CDH23: variants seen among roughly 807,000 people sequenced by gnomAD.
CDH23 encodes the protein cadherin related 23.
Under a neutral mutation model 317.1 loss-of-function variants are expected in CDH23, and 189 were observed. That is an observed-to-expected ratio of 0.60 (90% CI 0.53 to 0.67). The LOEUF (loss-of-function observed/expected upper bound fraction) is 0.67, where lower values mean the gene tolerates loss of function less well. Ranked by LOEUF, CDH23 falls within the 30% of genes least tolerant of loss-of-function variation. The pLI is 0.00. For synonymous variants in CDH23, 1,839 were observed against 1,876.8 expected (o/e 0.98, Z 0.52); for missense variants, 4,401 against 4,592.4 (o/e 0.96, Z 1.20).
At chr10:71,485,617 C>T (rs750335684) in intron 3 of CDH23, among the ~76,000 whole-genome samples, 1 of 152,222 alleles carries the variant, frequency 6.6e-6, no homozygotes, top group Admixed American at 6.5e-5. Flanking sequence ...GTTTGACTGC[C>T]CCAGCCCAGC....
At chr10:71,587,638 C>A (rs1473229142) in intron 9 of CDH23, among the ~76,000 whole-genome samples, 1 of 152,194 alleles carries the variant, frequency 6.6e-6, no homozygotes, top group African/African-American at 2.4e-5. Flanking sequence ...TGCCTGCATC[C>A]ACCTTTCCAG....
At chr10:71,793,137 G>A in intron 47 of CDH23, 45 bp from the exon 48 acceptor site, 1 of 1,442,706 alleles carries the variant, frequency 6.9e-7, no homozygotes, top group Non-Finnish European at 9.5e-7. Flanking sequence ...GATCTTTCTG[G>A]AAGAGGCCAC....
At chr10:71,759,970 TACAC>T (rs1470815969) in intron 38 of CDH23, among the ~76,000 whole-genome samples, 2 of 79,152 alleles carry the variant, frequency 2.5e-5, no homozygotes, top group Non-Finnish European at 6.0e-5. Flanking sequence ...CACATATATA[TACAC>T]ACACACATAT....
intron 6 of CDH23, among the ~76,000 whole-genome samples, chr10:71,526,950 C>T (rs1376565050): frequency 1.3e-5 from 2 of 152,108 alleles, no homozygotes; most frequent in African/African-American, 2.4e-5. Flanking sequence ...GTTTATGTCT[C>T]GAGTGTCGGG....
At chr10:71,503,046 AG>A (rs745623876) in intron 3 of CDH23, among the ~76,000 whole-genome samples, 100 of 152,372 alleles carry the variant, frequency 6.6e-4, no homozygotes, top group Non-Finnish European at 1.0e-3. Flanking sequence ...CAGTCATCTC[AG>A]CGATCAGCAT....
intron 3 of CDH23, among the ~76,000 whole-genome samples, chr10:71,498,639 G>A (rs952190323): frequency 6.6e-6 from 1 of 152,250 alleles, no homozygotes; most frequent in Non-Finnish European, 1.5e-5. Context: ...ATGTCAACAG[G>A]AGGGTCACTG....
At chr10:71,518,361 C>G (rs545671117) in intron 6 of CDH23, among the ~76,000 whole-genome samples, 1 of 152,156 alleles carries the variant, frequency 6.6e-6, no homozygotes, top group African/African-American at 2.4e-5. Flanking sequence ...TTTGCCATGG[C>G]CTGCTTTTGA....
intron 9 of CDH23, among the ~76,000 whole-genome samples, chr10:71,608,784 A>T (rs1199349944): frequency 6.6e-6 from 1 of 152,220 alleles, no homozygotes; most frequent in Admixed American, 6.5e-5. Flanking sequence ...CAGAGGTGGC[A>T]GAGCCTCCAG....
chr10:71,736,578 C>CATTCCCAT (rs1193051258), intron 34 of CDH23, among the ~76,000 whole-genome samples: 9 of 152,178 alleles, frequency 5.9e-5, no homozygotes, highest in African/African-American at 1.7e-4. Context: ...ACACCCATCT[C>CATTCCCAT]ATTCCCATAG....
intron 6 of CDH23, among the ~76,000 whole-genome samples, chr10:71,527,078 C>G (rs963952132): frequency 6.6e-5 from 10 of 152,206 alleles, no homozygotes; most frequent in South Asian, 2.1e-4. Flanking sequence ...CTGAGGTCTC[C>G]CACCACCCCT....
intron 6 of CDH23, among the ~76,000 whole-genome samples, chr10:71,536,128 A>C (rs926601859): frequency 1.3e-5 from 2 of 152,240 alleles, no homozygotes; most frequent in African/African-American, 4.8e-5. Flanking sequence ...AAAGGGAACC[A>C]AACATAGAAG....
chr10:71,700,370 G>C (rs1198608732), intron 22 of CDH23, among the ~76,000 whole-genome samples: 1 of 152,172 alleles, frequency 6.6e-6, no homozygotes, highest in Non-Finnish European at 1.5e-5. Context: ...CTGGGTGATG[G>C]AGCAAGACTT....
Position 71,807,720 on chromosome 10 carries a change from ACAT to A in CDH23, c.8516_8518del (p.Ile2839del), listed in dbSNP as rs746630652. 2.5e-6 allele frequency: 4 copies of A among 1,610,402 alleles called. No individual in the cohort carries two copies. In the African/African-American group the frequency reaches 5.3e-5, roughly 22 times the overall value. On this transcript the variant is annotated inframe_deletion, in exon 59 of 70. Transcript: ENST00000224721. ...CAGGAGGTGCGCGTTGTGCTAGAGGACATCAACGACCAGCCACCACGCTTCACC... is the reference window on the plus strand; with the variant it reads ...CAGGAGGTGCGCGTTGTGCTAGAGGACAACGACCAGCCACCACGCTTCACC...
Position 71,476,407 on chromosome 10 carries a change from G to C in CDH23, c.145+30012G>C, listed in dbSNP as rs1050581676. On this transcript the variant is annotated intron_variant, in intron 3 of 69. Transcript: ENST00000224721. ...GAGAAGGAACCCAGGGCCCGGAGAAGGGAAGTGACATGCTCAAGGTCACAT... is the reference window on the plus strand; with the variant it reads ...GAGAAGGAACCCAGGGCCCGGAGAACGGAAGTGACATGCTCAAGGTCACAT... Among the ~76,000 whole-genome samples, 59 of 152,192 alleles carry C rather than the reference G, an allele frequency of 3.9e-4. 1 individual carries two copies. Among genetic ancestry groups the C allele is most frequent in the Non-Finnish European group, 2.9e-5 (2 of 68,042 alleles).
Position 71,803,308 on chromosome 10 carries a change from G to T in CDH23, c.7760G>T (p.Gly2587Val). 1 of 1,591,368 alleles carries T rather than the reference G, an allele frequency of 6.3e-7. No homozygotes were observed. The highest frequency in any genetic ancestry group is 8.6e-7 in the Non-Finnish European group (1 of 1,168,820). Residue 2587 changes from glycine to valine, a missense_variant, in exon 55 of 70, where the codon GGA becomes GTA. By Grantham distance (109) the Gly-to-Val change is moderately radical. Around this residue, in one of 3 missense-constraint regions of CDH23, gnomAD observed 1,144 missense variants for 1,138.2 expected, o/e 1.01. Transcript: ENST00000224721. The part of the protein sequence containing the change: ...FSLTVVATDG[G>V]EPPLWGTTML... ...CTGACCGTGGTGGCCACAGATGGTGGAGAGCCCCCACTCTGGGGCACCACC... is the reference window on the plus strand; with the variant it reads ...CTGACCGTGGTGGCCACAGATGGTGTAGAGCCCCCACTCTGGGGCACCACC...
intron 28 of CDH23, 54 bp from the exon 29 acceptor site, chr10:71,723,991 T>G (rs1261303881): frequency 6.5e-7 from 1 of 1,544,392 alleles, no homozygotes; most frequent in Non-Finnish European, 8.8e-7. Flanking sequence ...AAAAACCTCT[T>G]CTCTCCCTGC....
rs1841575652 is a variant in CDH23, at chr10:71,802,232, CAGG to C, written c.7483-662_7483-660del. Among the ~76,000 whole-genome samples, 4 of 152,302 alleles carry C rather than the reference CAGG, an allele frequency of 2.6e-5. No homozygotes were observed. In the East Asian group the frequency reaches 7.7e-4, roughly 29 times the overall value. ...CTGAGGCAGGAGAATCATTTGAACC[CAGG>C]AGGTGGAGGTTGCAGTGAGCCGAGA... On this transcript the variant is annotated intron_variant, in intron 53 of 69. Coordinates refer to ENST00000224721, the MANE Select transcript of CDH23 (RefSeq NM_022124.6).
At chr10:71,582,891 G>T (rs1307584456) in intron 9 of CDH23, among the ~76,000 whole-genome samples, 1 of 152,172 alleles carries the variant, frequency 6.6e-6, no homozygotes, top group Non-Finnish European at 1.5e-5. Context: ...TTAATACCTC[G>T]GTGGAACTCT....
At chr10:71,451,935 G>A (rs1589327774) in intron 3 of CDH23, among the ~76,000 whole-genome samples, 1 of 152,302 alleles carries the variant, frequency 6.6e-6, no homozygotes, top group East Asian at 1.9e-4. Context: ...CTCAGGCCAG[G>A]CGCTCCCCTC....
Sources: allele counts gnomAD v4.1 joint callset (sites outside exome capture counted in the v4.1 genomes callset), GRCh38; gene constraint gnomAD v4.1.1; regional missense constraint gnomAD v4.1.1; transcripts MANE v1.5; gene names NCBI Gene and HGNC (gene_info 2026-07-23, HGNC 2026-07-21).